Variants in FSTL3 observed in about 807,000 individuals in gnomAD.
The protein encoded by FSTL3 is follistatin-related protein 3.
In FSTL3, 21 loss-of-function variants were observed where a neutral mutation model predicts 28.1. The ratio of observed to expected loss-of-function variants is 0.75; its 90% confidence interval spans 0.53 to 1.08. FSTL3 has a LOEUF of 1.08. Among genes scored for constraint, FSTL3 ranks in the 50% least tolerant of loss-of-function variants. FSTL3 has a pLI of 0.00. For missense variants in FSTL3, 400 were observed against 380.9 expected (o/e 1.05, Z -0.42); for synonymous variants, 199 against 164.2 (o/e 1.21, Z -1.62).
chr19:680,230 G>C, intron 2 of FSTL3, 44 bp from the exon 3 acceptor site: 1 of 1,269,608 alleles, frequency 7.9e-7, no homozygotes, highest in African/African-American at 1.6e-5. Context: ...CCACGCCCGG[G>C]ACCCTCCCGC....
intron 2 of FSTL3, among the ~76,000 whole-genome samples, chr19:679,756 C>A (rs1478215017): frequency 6.6e-6 from 1 of 152,260 alleles, no homozygotes; most frequent in East Asian, 1.9e-4. Flanking sequence ...GGGGCCCCCT[C>A]CCCTGGAATC....
chr19:681,525 G>T lies in FSTL3; in HGVS notation c.698G>T (p.Arg233Leu). The change falls in exon 4 of 5, where the codon CGC becomes CTC. Residue 233 changes from arginine (R) to leucine (L), a missense_variant. Arg to Leu is a moderately radical substitution (Grantham distance 102, BLOSUM62 -2). Coordinates refer to ENST00000166139, the MANE Select transcript of FSTL3 (RefSeq NM_005860.3). ...HMRQATCFLG[R>L]SIGVRHAGSC... ...CGCCAGGCCACCTGCTTCCTGGGCC[G>T]CTCCATCGGCGTGCGCCACGCGGGC... is the stretch of plus-strand genomic sequence containing the variant. 1 of 1,607,190 alleles carries T rather than the reference G, an allele frequency of 6.2e-7. No individual in the cohort carries two copies. The highest frequency in any genetic ancestry group is 8.5e-7 in the Non-Finnish European group (1 of 1,179,500).
chr19:681,246 G>T (rs2031326682), intron 3 of FSTL3, 87 bp from the exon 4 acceptor site: 1 of 934,610 alleles, frequency 1.1e-6, no homozygotes, highest in Non-Finnish European at 1.6e-6. Flanking sequence ...TCGCATCTTG[G>T]GGGTTAAGGG....
At position 678,224 on chromosome 19, in the gene FSTL3, C is replaced by T; in HGVS notation, c.289+247C>T. On this transcript the variant is annotated intron_variant, in intron 2 of 4. Transcript: ENST00000166139. ...GCCTTTGCTGGGGCTGAGCTCTCTGCCTGGGTGGCTCTTCCCACCTGGTCG... is the reference window on the plus strand; with the variant it reads ...GCCTTTGCTGGGGCTGAGCTCTCTGTCTGGGTGGCTCTTCCCACCTGGTCG... The T allele has an allele frequency of 1.3e-5, 7 of 534,448 alleles. No individual in the cohort carries two copies. The South Asian group carries it at 1.8e-4, about 14-fold the overall frequency. 33.1% of individuals were successfully genotyped at this position (534,448 alleles called of 1,614,324 possible).
chr19:676,438 GC>G lies in FSTL3; in HGVS notation c.17del (p.Pro6GlnfsTer19). 8.3e-7 allele frequency: 1 copy of G among 1,210,238 alleles called. No homozygotes were observed. The highest frequency in any genetic ancestry group is 1.0e-6 in the Non-Finnish European group (1 of 969,960). 75.0% of individuals were successfully genotyped at this position (1,210,238 alleles called of 1,614,324 possible). MRPGA[P>X]GPLWPLPWGA... Reference sequence around the variant, plus strand: ...CTGCGTTCGCCATGCGTCCCGGGGCGCCAGGGCCACTCTGGCCTCTGCCCTG... The same window carrying G: ...CTGCGTTCGCCATGCGTCCCGGGGCGCAGGGCCACTCTGGCCTCTGCCCTG... On this transcript the variant is annotated frameshift_variant, in exon 1 of 5. Coordinates refer to ENST00000166139, the MANE Select transcript of FSTL3 (RefSeq NM_005860.3). LOFTEE classifies it high-confidence loss of function.
chr19:677,724 T>A, intron 1 of FSTL3, 68 bp from the exon 2 acceptor site: 1 of 1,445,792 alleles, frequency 6.9e-7, no homozygotes, highest in Non-Finnish European at 9.3e-7. Flanking sequence ...CCTGCATGCA[T>A]CTGTGGGCGG....
chr19:681,605 G>A, intron 4 of FSTL3, 45 bp downstream of exon 4: 1 of 1,594,242 alleles, frequency 6.3e-7, no homozygotes, highest in Non-Finnish European at 8.5e-7. Flanking sequence ...GGGGGCCGGA[G>A]AACCCCCTGC....
intron 3 of FSTL3, 152 bp from the exon 4 acceptor site, chr19:681,181 G>C (rs1185377386): frequency 2.1e-5 from 12 of 571,370 alleles, no homozygotes; most frequent in African/African-American, 2.3e-5. Flanking sequence ...GGGTGGAATG[G>C]AGAGGGGGGC....
chr19:680,454 C>G lies in FSTL3; in HGVS notation c.470C>G (p.Pro157Arg), dbSNP rs1404019983. ...CGCGCCGCGCGCTGCCGCGGCCACC[C>G]GGACCTGAGCGTCATGTACCGGGGC... Reference protein sequence around the residue: ...ELRAARCRGHPDLSVMYRGRC... With the variant: ...ELRAARCRGHRDLSVMYRGRC... Residue 157 changes from proline to arginine, a missense_variant, in exon 3 of 5, where the codon CCG (proline) becomes CGG (arginine). By Grantham distance (103) the Pro-to-Arg change is moderately radical. Transcript: ENST00000166139. 11 of 1,259,232 alleles carry G rather than the reference C, an allele frequency of 8.7e-6. No homozygotes were observed. The highest frequency in any genetic ancestry group is 4.7e-5 in the African/African-American group (3 of 64,336). The allele number at this position is 1,259,232 out of a possible 1,614,324, so 78.0% of individuals were successfully genotyped here.
rs964644193 is a variant in FSTL3, at chr19:683,201, T to C, written c.*1493T>C. ...AGGACAACACGGAGGATATCCAGCT[T>C]CCCCGGTCTGGGGTGAGGAATGTGG... On this transcript the variant is annotated 3_prime_UTR_variant, in exon 5 of 5. Transcript: ENST00000166139. 4.7e-5 allele frequency: 11 copies of C among 232,700 alleles called. No individual in the cohort carries two copies. Among genetic ancestry groups the C allele is most frequent in the Non-Finnish European group, 8.5e-5 (10 of 117,554 alleles). The allele number at this position is 232,700 out of a possible 1,614,324, so 14.4% of individuals were successfully genotyped here.
Position 680,254 on chromosome 19 carries a change from C to G in FSTL3, c.290-20C>G. ...GGACCCTCCCGCGCCCGGCCCCACG[C>G]GCGTGTCCTCTGTCCGCAGATTCGT... is the stretch of plus-strand genomic sequence containing the variant. On this transcript the variant is annotated intron_variant, in intron 2 of 4. Coordinates refer to ENST00000166139, the MANE Select transcript of FSTL3 (RefSeq NM_005860.3). The G allele has an allele frequency of 7.5e-7, 1 of 1,333,120 alleles. No individual in the cohort carries two copies. Among genetic ancestry groups the G allele is most frequent in the Non-Finnish European group, 9.6e-7 (1 of 1,039,936 alleles). The allele number at this position is 1,333,120 out of a possible 1,614,324, so 82.6% of individuals were successfully genotyped here. A position where few individuals can be genotyped will look rare whatever the true frequency, so the allele number is the denominator to read the frequency against.
At position 680,009 on chromosome 19, in the gene FSTL3, C is replaced by CA. The variant is rs144178110; in HGVS notation, c.290-265_290-264insA. 4.5e-5 allele frequency: 9 copies of CA among 200,820 alleles called. 1 individual carries two copies. Among genetic ancestry groups the CA allele is most frequent in the African/African-American group, 2.3e-4 (9 of 39,920 alleles). The allele number at this position is 200,820 out of a possible 1,614,324, so 12.4% of individuals were successfully genotyped here. On this transcript the variant is annotated intron_variant, in intron 2 of 4. Coordinates refer to ENST00000166139, the MANE Select transcript of FSTL3 (RefSeq NM_005860.3). ...CCCGATTCCGGGCAGAGACCCCCCC[C>CA]CGCCCCGGCCCGCGCGCACCGAGCC... is the stretch of plus-strand genomic sequence containing the variant.
chr19:678,499 GTTTT>G (rs746126061), intron 2 of FSTL3, among the ~76,000 whole-genome samples: 2 of 91,232 alleles, frequency 2.2e-5, no homozygotes, highest in Admixed American at 1.3e-4. Context: ...GAGGATGATG[GTTTT>G]TTTTTTTTTT....
intron 1 of FSTL3, 58 bp downstream of exon 1, chr19:676,584 A>T (rs2031213636): frequency 1.6e-6 from 1 of 606,328 alleles, no homozygotes; most frequent in Non-Finnish European, 2.3e-6. Context: ...GGCTGCGCGG[A>T]ATGCGGCCGG....
In FSTL3 at chr19:677,924, A is replaced by G; in HGVS notation, c.236A>G (p.Asn79Ser). 1.2e-6 allele frequency: 2 copies of G among 1,613,640 alleles called. No individual in the cohort carries two copies. Among genetic ancestry groups the G allele is most frequent in the Non-Finnish European group, 1.7e-6 (2 of 1,180,000 alleles). ...TGGTCCAACCTCACCCACCCGGGGA[A>G]CAAGATCAACCTCCTCGGCTTCTTG... ...TAWSNLTHPG[N>S]KINLLGFLGL... Residue 79 changes from asparagine (N) to serine (S), a missense_variant, in exon 2 of 5, where the codon AAC (asparagine) becomes AGC (serine). By Grantham distance (46) the Asn-to-Ser change is conservative. Transcript: ENST00000166139.
rs772157977 is a variant in FSTL3 at position 676,469 on chromosome 19, G to A, written c.46G>A (p.Ala16Thr). The A allele has an allele frequency of 8.3e-7, 1 of 1,202,690 alleles. No homozygotes were observed. Among genetic ancestry groups the A allele is most frequent in the Non-Finnish European group, 1.0e-6 (1 of 967,392 alleles). The allele number at this position is 1,202,690 out of a possible 1,614,324, so 74.5% of individuals were successfully genotyped here. ...GCCACTCTGGCCTCTGCCCTGGGGG[G>A]CCCTGGCTTGGGCCGTGGGCTTCGT... ...PGPLWPLPWGALAWAVGFVSS... is the reference protein window; with the variant it reads ...PGPLWPLPWGTLAWAVGFVSS... The change falls in exon 1 of 5, where the codon GCC (alanine) becomes ACC (threonine). Residue 16 changes from alanine (A) to threonine (T), a missense_variant. Ala to Thr is a moderately conservative substitution (Grantham distance 58). Transcript: ENST00000166139.
chr19:681,623 C>T, intron 4 of FSTL3, 27 bp from the exon 5 acceptor site: 1 of 1,590,646 alleles, frequency 6.3e-7, no homozygotes, highest in Non-Finnish European at 8.6e-7. Context: ...TGCCCTGCGC[C>T]CTCAATGCTC....
At chr19:677,359 G>A (rs1030624858) in intron 1 of FSTL3, among the ~76,000 whole-genome samples, 2 of 152,114 alleles carry the variant, frequency 1.3e-5, no homozygotes, top group African/African-American at 4.8e-5. Context: ...TGGGGGGGCT[G>A]CCAGGCGCGG....
chr19:680,412 G>C lies in FSTL3; in HGVS notation c.428G>C (p.Arg143Pro). The C allele has an allele frequency of 7.9e-7, 1 of 1,271,974 alleles. No homozygotes were observed. Among genetic ancestry groups the C allele is most frequent in the South Asian group, 2.7e-5 (1 of 36,536 alleles). The allele number at this position is 1,271,974 out of a possible 1,614,324, so 78.8% of individuals were successfully genotyped here. The change falls in exon 3 of 5, where the codon CGC becomes CCC. Residue 143 changes from arginine to proline, a missense_variant. By Grantham distance (103) the Arg-to-Pro change is moderately radical (BLOSUM62 -2). Transcript: ENST00000166139. ...TGCGGCTCAGACGGCGCCACCTACC[G>C]CGACGAGTGCGAGCTGCGCGCCGCG... is the stretch of plus-strand genomic sequence containing the variant. Reference protein sequence around the residue: ...QVCGSDGATYRDECELRAARC... With the variant: ...QVCGSDGATYPDECELRAARC...
Sources: gnomAD v4.1 joint callset for allele counts (sites outside exome capture counted in the v4.1 genomes callset) on GRCh38, gnomAD v4.1.1 for gene constraint, MANE v1.5 for transcripts, NCBI Gene and HGNC (gene_info 2026-07-23, HGNC 2026-07-21) for gene names.